The following RANBP9 variants were observed in gnomAD, a reference collection of about 807,000 sequenced individuals.
The protein encoded by RANBP9 is ran-binding protein 9.
A neutral mutation model predicts 84.3 loss-of-function variants in RANBP9; 15 were observed. The ratio of observed to expected loss-of-function variants is 0.18; its 90% CI spans 0.12 to 0.27. RANBP9 has a LOEUF of 0.27. Among genes scored for constraint, RANBP9 ranks in the 10% least tolerant of loss-of-function variants. RANBP9 has a pLI of 1.00. For missense variants in RANBP9, 809 were observed against 912.8 expected, an observed-to-expected ratio of 0.89 and a Z score of 1.46; for synonymous variants, 392 against 349.6, an observed-to-expected ratio of 1.12 and a Z score of -1.35.
At chr6:13,674,274 C>T (rs769957161) in intron 2 of RANBP9, among the ~76,000 whole-genome samples, 19 of 151,980 alleles carry the variant, frequency 1.3e-4, no homozygotes, top group Non-Finnish European at 2.4e-4. Context: ...CTACAAGAAA[C>T]TCACTCTAAA....
At chr6:13,646,459 T>C (rs1315439302) in intron 5 of RANBP9, among the ~76,000 whole-genome samples, 1 of 151,844 alleles carries the variant, frequency 6.6e-6, no homozygotes, top group Non-Finnish European at 1.5e-5. Context: ...GAAAAAACAC[T>C]ACAGAGTTAT....
At position 13,641,212 on chromosome 6, in the gene RANBP9, G is replaced by A. The variant is rs375545354; in HGVS notation, c.1321C>T (p.Leu441Phe). 29 of 1,561,990 alleles carry A rather than the reference G, an allele frequency of 1.9e-5. No homozygotes were observed. The African/African-American group carries it at 2.4e-4, about 13-fold the overall frequency. Residue 441 changes from leucine to phenylalanine, a missense_variant, in exon 8 of 14, where the codon CTT (leucine) becomes TTT (phenylalanine). Leu to Phe is a conservative substitution (Grantham distance 22). Coordinates refer to ENST00000011619, the MANE Select transcript of RANBP9 (RefSeq NM_005493.3). ...PSLLERNPNL[L>F]FTLKVRQFIE... The stretch of plus-strand genomic sequence containing the variant: ...ATGCAAACTCACTTTAATGTGAAAA[G>A]GAGATTAGGATTTCTTTCAAGTAAA...
At chr6:13,651,258 A>G (rs1275556694) in intron 5 of RANBP9, among the ~76,000 whole-genome samples, 4 of 152,290 alleles carry the variant, frequency 2.6e-5, no homozygotes. Flanking sequence ...GGTTTGGTAA[A>G]TAAGATACGT....
intron 7 of RANBP9, among the ~76,000 whole-genome samples, chr6:13,641,707 G>T (rs764447135): frequency 4.6e-5 from 7 of 152,094 alleles, no homozygotes; most frequent in Non-Finnish European, 8.8e-5. Flanking sequence ...ACAGAGACTC[G>T]TTGAGCATTC....
At chr6:13,689,381 C>G (rs1267160100) in intron 2 of RANBP9, among the ~76,000 whole-genome samples, 3 of 151,014 alleles carry the variant, frequency 2.0e-5, no homozygotes, top group African/African-American at 7.3e-5. Context: ...AGCGATTCTT[C>G]TGCCTTGGCT....
intron 2 of RANBP9, among the ~76,000 whole-genome samples, chr6:13,668,335 T>C (rs1015642380): frequency 6.6e-6 from 1 of 152,000 alleles, no homozygotes; most frequent in African/African-American, 2.4e-5. Context: ...TCCCAGACTC[T>C]TCCAAAAAAG....
Position 13,629,302 on chromosome 6 carries a change from AAAT to A in RANBP9, c.1947+3065_1947+3067del, listed in dbSNP as rs530908902. On this transcript the variant is annotated intron_variant, in intron 12 of 13. Coordinates refer to ENST00000011619, the MANE Select transcript of RANBP9 (RefSeq NM_005493.3). Reference sequence around the variant, plus strand: ...CGTGTAGTTATTTAAAAATAATTGGAAATAATGCATAGAAACTGGGAGGAAATA... The same window carrying A: ...CGTGTAGTTATTTAAAAATAATTGGAAATGCATAGAAACTGGGAGGAAATA... 1.3e-3 allele frequency among the ~76,000 whole-genome samples: 203 copies of A among 152,292 alleles called. 2 individuals carry two copies. The highest frequency in any genetic ancestry group is 4.7e-3 in the African/African-American group (196 of 41,542).
At chr6:13,697,030 T>G (rs1341405193) in intron 1 of RANBP9, 134 bp from the exon 2 acceptor site, 7 of 599,982 alleles carry the variant, frequency 1.2e-5, no homozygotes, top group Non-Finnish European at 1.9e-5. Context: ...AAATACTCAA[T>G]AAAACGTTTA....
chr6:13,645,895 G>A (rs950047870), intron 5 of RANBP9, among the ~76,000 whole-genome samples: 2 of 152,182 alleles, frequency 1.3e-5, no homozygotes, highest in Admixed American at 1.3e-4. Flanking sequence ...AAAAACAACC[G>A]TTCAATCAAG....
intron 2 of RANBP9, among the ~76,000 whole-genome samples, chr6:13,678,498 G>A (rs917576051): frequency 1.3e-5 from 2 of 152,152 alleles, no homozygotes; most frequent in Admixed American, 1.3e-4. Context: ...TGAGTCTACA[G>A]CCAAATCCAC....
At chr6:13,657,427 A>G (rs1384779499) in intron 3 of RANBP9, 151 bp from the exon 4 acceptor site, 1 of 542,236 alleles carries the variant, frequency 1.8e-6, no homozygotes, top group Non-Finnish European at 2.9e-6. Flanking sequence ...ATTACACTAC[A>G]TAATTTATTC....
intron 2 of RANBP9, among the ~76,000 whole-genome samples, chr6:13,659,207 T>C (rs1462484340): frequency 6.6e-6 from 1 of 150,882 alleles, no homozygotes. Flanking sequence ...AGGAAACAAA[T>C]GTGTTTCCCA....
At chr6:13,695,415 T>TG (rs1414897136) in intron 2 of RANBP9, among the ~76,000 whole-genome samples, 1 of 150,904 alleles carries the variant, frequency 6.6e-6, no homozygotes, top group Non-Finnish European at 1.5e-5. Context: ...TTTTTTTTTT[T>TG]TTTTTTTTTT....
intron 5 of RANBP9, among the ~76,000 whole-genome samples, chr6:13,651,128 ATCAT>A (rs538932769): frequency 6.3e-4 from 96 of 152,264 alleles, no homozygotes; most frequent in African/African-American, 2.0e-3. Flanking sequence ...ACCCTAAGAG[ATCAT>A]TCAGTGAGTA....
intron 2 of RANBP9, among the ~76,000 whole-genome samples, chr6:13,683,695 C>A (rs1766098569): frequency 6.6e-6 from 1 of 150,570 alleles, no homozygotes; most frequent in African/African-American, 2.4e-5. Flanking sequence ...TATTTTTTTT[C>A]TATTTCACAG....
At chr6:13,636,342 T>A (rs2127763395) in intron 10 of RANBP9, among the ~76,000 whole-genome samples, 1 of 152,350 alleles carries the variant, frequency 6.6e-6, no homozygotes, top group Admixed American at 6.5e-5. Context: ...TACTTCACAG[T>A]TAGGAAAGCC....
In RANBP9 at chr6:13,621,952, T is replaced by G. The variant is rs1171525072; in HGVS notation, c.*410A>C. ...CACTGATTGAATGCTTATATGGGAG[T>G]GGGGGTCGGAACATCTCCCAATTTG... On this transcript the variant is annotated 3_prime_UTR_variant, in exon 14 of 14. Transcript: ENST00000011619. 1 of 153,984 alleles carries G rather than the reference T, an allele frequency of 6.5e-6. No individual in the cohort carries two copies. The highest frequency in any genetic ancestry group is 1.4e-5 in the Non-Finnish European group (1 of 69,036). The allele number at this position is 153,984 out of a possible 1,614,324, so 9.5% of individuals were successfully genotyped here.
chr6:13,625,289 G>A (rs1252557899), intron 13 of RANBP9, among the ~76,000 whole-genome samples: 1 of 152,090 alleles, frequency 6.6e-6, no homozygotes, highest in Non-Finnish European at 1.5e-5. Flanking sequence ...CACTAAAGAG[G>A]GCTGTAAGGA....
At chr6:13,628,220 A>C (rs191497136) in intron 12 of RANBP9, among the ~76,000 whole-genome samples, 4 of 152,362 alleles carry the variant, frequency 2.6e-5, no homozygotes, top group African/African-American at 9.6e-5. Flanking sequence ...TTAAGAAGAA[A>C]AAACATCTAA....
Sources: allele counts gnomAD v4.1 joint callset (sites outside exome capture counted in the v4.1 genomes callset), GRCh38; gene constraint gnomAD v4.1.1; transcripts MANE v1.5; gene names NCBI Gene and HGNC (gene_info 2026-07-23, HGNC 2026-07-21).